ATPAF2: variants seen among roughly 807,000 people sequenced by gnomAD.
The protein encoded by ATPAF2 is ATP12 homolog.
In ATPAF2, 30 loss-of-function variants were observed where a neutral mutation model predicts 36.6. That is an observed-to-expected ratio of 0.82 (90% CI 0.61 to 1.11). ATPAF2 has a LOEUF of 1.11. Among genes scored for constraint, ATPAF2 ranks in the 50% most tolerant of loss-of-function variants. The pLI is 0.00. For synonymous variants in ATPAF2, 140 were observed against 152.6 expected, an observed-to-expected ratio of 0.92 and a Z score of 0.61; for missense variants, 321 against 372.3, an observed-to-expected ratio of 0.86 and a Z score of 1.13.
intron 1 of ATPAF2, among the ~76,000 whole-genome samples, chr17:18,035,779 C>A (rs1169117433): frequency 6.6e-6 from 1 of 151,920 alleles, no homozygotes; most frequent in Admixed American, 6.5e-5. Flanking sequence ...GGACCCTGAT[C>A]TACAGACTAC....
Position 18,018,665 on chromosome 17 carries a change from CA to C in ATPAF2, c.753del (p.Ile251MetfsTer37), listed in dbSNP as rs1568562924. 2 of 1,614,052 alleles carry C rather than the reference CA, an allele frequency of 1.2e-6. No homozygotes were observed. Among genetic ancestry groups the C allele is most frequent in the Admixed American group, 3.3e-5 (2 of 60,030 alleles). On this transcript the variant is annotated frameshift_variant, in exon 8 of 8. Transcript: ENST00000474627. LOFTEE classifies it high-confidence loss of function. ...TGCAGCTCATAGTCATGGGCCCACT[CA>C]ATGTTGCCCCACTTCTGGATCTGAG... ...EEYQIQKWGN[I>X]EWAHDYELQE...
intron 3 of ATPAF2, among the ~76,000 whole-genome samples, chr17:18,027,059 A>G (rs2044556827): frequency 6.6e-6 from 1 of 152,018 alleles, no homozygotes; most frequent in South Asian, 2.1e-4. Flanking sequence ...CATCTCTACT[A>G]AAAATACAAA....
chr17:18,031,519 G>A (rs1456679093), intron 1 of ATPAF2, among the ~76,000 whole-genome samples: 2 of 151,838 alleles, frequency 1.3e-5, no homozygotes, highest in East Asian at 2.0e-4. Context: ...CGGTGGTCAC[G>A]CCTGTAATCC....
At chr17:18,036,737 C>A (rs2044708781) in intron 1 of ATPAF2, among the ~76,000 whole-genome samples, 1 of 152,204 alleles carries the variant, frequency 6.6e-6, no homozygotes, top group East Asian at 1.9e-4. Context: ...GGCAGTAGAT[C>A]AAGTGCCACC....
intron 1 of ATPAF2, among the ~76,000 whole-genome samples, chr17:18,033,494 G>C (rs997404203): frequency 2.6e-5 from 4 of 151,606 alleles, no homozygotes; most frequent in Non-Finnish European, 4.4e-5. Flanking sequence ...GTGAATACAT[G>C]GTTAGCAGAC....
At chr17:18,031,995 C>T (rs2044643857) in intron 1 of ATPAF2, among the ~76,000 whole-genome samples, 1 of 152,192 alleles carries the variant, frequency 6.6e-6, no homozygotes, top group Non-Finnish European at 1.5e-5. Flanking sequence ...TGGAGGCCTC[C>T]TTTCCTCTCT....
chr17:18,028,019 T>C (rs2044572658), intron 3 of ATPAF2: 6 of 628,906 alleles, frequency 9.5e-6, no homozygotes, highest in Non-Finnish European at 1.7e-5. Context: ...AAACCAGCCA[T>C]CCAGCACAGT....
downstream of ATPAF2, among the ~76,000 whole-genome samples, chr17:18,017,171 C>CAA (rs59274380): frequency 0.015 from 671 of 43,642 alleles, 184 homozygotes; most frequent in Non-Finnish European, 0.02. Flanking sequence ...GACTTCGTCT[C>CAA]AAAAAAAAAA....
rs766155578 is a variant in ATPAF2, at chr17:18,028,347, T to C, written c.209A>G (p.Lys70Arg). 1 of 1,614,128 alleles carries C rather than the reference T, an allele frequency of 6.2e-7. No homozygotes were observed. The highest frequency in any genetic ancestry group is 1.1e-5 in the South Asian group (1 of 91,078). The stretch of plus-strand genomic sequence containing the variant: ...GAGCTTGGCTTGGGGAGTTTTCAGC[T>C]TCCTGTGGTCCAGGTTTATCTCAAA... ...GGFEINLDHRKLKTPQAKLFT... is the reference protein window; with the variant it reads ...GGFEINLDHRRLKTPQAKLFT... The change falls in exon 3 of 8, where the codon AAG (lysine) becomes AGG (arginine). Residue 70 changes from lysine (K) to arginine (R), a missense_variant. Physicochemically the swap from Lys to Arg is conservative, Grantham distance 26. Around this residue, in one of 3 missense-constraint regions of ATPAF2, gnomAD observed 53 missense variants for 91.6 expected, o/e 0.58. Coordinates refer to ENST00000474627, the MANE Select transcript of ATPAF2 (RefSeq NM_145691.4).
downstream of ATPAF2, chr17:18,016,301 G>C: frequency 8.0e-7 from 1 of 1,251,742 alleles, no homozygotes; most frequent in Non-Finnish European, 1.1e-6. Context: ...ATGAAATGAA[G>C]GAAGAAATAA....
Position 18,021,128 on chromosome 17 carries a change from A to T in ATPAF2, c.727T>A (p.Tyr243Asn). The T allele has an allele frequency of 6.2e-7, 1 of 1,612,790 alleles. No individual in the cohort carries two copies. The highest frequency in any genetic ancestry group is 8.5e-7 in the Non-Finnish European group (1 of 1,179,534). Residue 243 changes from tyrosine (Y) to asparagine (N), a missense_variant, in exon 7 of 8, where the codon TAC (tyrosine) becomes AAC (asparagine). Tyr to Asn is a moderately radical substitution (Grantham distance 143). Coordinates refer to ENST00000474627, the MANE Select transcript of ATPAF2 (RefSeq NM_145691.4). ...CCTGAGGTGCTGCTCCTCACCTGGT[A>T]CTCCTCCTCCAGGCGTGACAGCAGC... ...AVLLSRLEEE[Y>N]QIQKWGNIEW...
rs10652393 is a variant in ATPAF2 at position 18,028,570 on chromosome 17, C to CAA, written c.178+43_178+44dup. 292,283 of 1,287,170 alleles carry CAA rather than the reference C, an allele frequency of 0.23. 15,254 individuals carry two copies. Among genetic ancestry groups the CAA allele is most frequent in the East Asian group, 0.48 (18,444 of 38,752 alleles). The allele number at this position is 1,287,170 out of a possible 1,614,324, so 79.7% of individuals were successfully genotyped here. A position where few individuals can be genotyped will look rare whatever the true frequency, so the allele number is the denominator to read the frequency against. ...GATGAAAAATGTTCCCAACCATTCACAAAAAAAAAAAAAAAAAGAGGCAGT... is the reference window on the plus strand; with the variant it reads ...GATGAAAAATGTTCCCAACCATTCACAAAAAAAAAAAAAAAAAAAGAGGCAGT... On this transcript the variant is annotated intron_variant, in intron 2 of 7. Transcript: ENST00000474627.
chr17:18,038,571 A>G (rs1018381410), intron 1 of ATPAF2, among the ~76,000 whole-genome samples: 2 of 152,222 alleles, frequency 1.3e-5, no homozygotes, highest in African/African-American at 4.8e-5. Context: ...CCTGATTCAG[A>G]GCCCAAACTT....
In ATPAF2 at chr17:18,039,027, C is replaced by A. The variant is rs772662195; in HGVS notation, c.-14G>T. The A allele has an allele frequency of 1.3e-6, 2 of 1,589,238 alleles. No homozygotes were observed. The highest frequency in any genetic ancestry group is 2.3e-5 in the East Asian group (1 of 43,342). ...GCTCCTCCACATCGCGCCCGAGGGT[C>A]TGGGAAGATGCGAGACGCGAAACCT... On this transcript the variant is annotated 5_prime_UTR_variant, in exon 1 of 8. Coordinates refer to ENST00000474627, the MANE Select transcript of ATPAF2 (RefSeq NM_145691.4). The surrounding 1 kb of genome is among the most constrained non-coding windows in gnomAD (Gnocchi z 5.3).
At chr17:18,017,030 G>C (rs190733540), downstream of ATPAF2, 206 of 180,532 alleles carry the variant, frequency 1.1e-3, 3 homozygotes, top group Admixed American at 9.8e-3. Context: ...AAATTAGCCA[G>C]ATGTGGTAGC....
intron 3 of ATPAF2, chr17:18,026,914 A>C (rs1039057730): frequency 5.8e-6 from 1 of 171,876 alleles, no homozygotes; most frequent in African/African-American, 2.4e-5. Context: ...AGCCCATGCA[A>C]ATCGGGATCA....
intron 4 of ATPAF2, chr17:18,025,161 G>T: frequency 3.3e-6 from 1 of 300,306 alleles, no homozygotes; most frequent in Non-Finnish European, 6.5e-6. Context: ...CAGATGCTCA[G>T]TCTTTGCATC....
chr17:18,017,393 G>A (rs571273298), downstream of ATPAF2, among the ~76,000 whole-genome samples: 86 of 152,250 alleles, frequency 5.6e-4, no homozygotes, highest in African/African-American at 2.0e-3. Flanking sequence ...AAAGGAGGCC[G>A]GTGTGGGCTA....
At chr17:18,031,794 AAAGT>A (rs2044640390) in intron 1 of ATPAF2, among the ~76,000 whole-genome samples, 1 of 152,248 alleles carries the variant, frequency 6.6e-6, no homozygotes, top group Middle Eastern at 3.4e-3. Context: ...AAAAGAAAAT[AAAGT>A]GTTTTTTTAG....
Sources: gnomAD v4.1 joint callset for allele counts (sites outside exome capture counted in the v4.1 genomes callset) on GRCh38, gnomAD v4.1.1 for gene constraint, gnomAD v4.1.1 regional missense constraint, Gnocchi (gnomAD v3.1) non-coding constraint, MANE v1.5 for transcripts, NCBI Gene and HGNC (gene_info 2026-07-23, HGNC 2026-07-21) for gene names.